IRF7: variants seen among roughly 807,000 people sequenced by gnomAD.
IRF7 encodes interferon regulatory factor 7, also known as interferon regulatory factor-7H.
IRF7 carries 67 observed loss-of-function variants against 51.3 expected under a neutral mutation model. The ratio of observed to expected loss-of-function variants is 1.31; its 90% CI spans 1.07 to 1.60. IRF7 has a LOEUF of 1.60. Among genes scored for constraint, IRF7 ranks in the 40% most tolerant of loss-of-function variants. The probability of loss-of-function intolerance (pLI) is 0.00; values close to 1 mark genes in which losing one functional copy is unlikely to be tolerated. For missense variants in IRF7, 873 were observed against 701.5 expected (o/e 1.24, Z -2.76); for synonymous variants, 427 against 301.3 (o/e 1.42, Z -4.32).
In IRF7 at chr11:614,039, T is replaced by C. The variant is rs1370125813; in HGVS notation, c.680-2A>G. 4 of 1,606,358 alleles carry C rather than the reference T, an allele frequency of 2.5e-6. No homozygotes were observed. The highest frequency in any genetic ancestry group is 3.4e-6 in the Non-Finnish European group (4 of 1,177,266). Reference sequence around the variant, plus strand: ...GCTCCCCAGCAGGGAGCCCTGGGCCTGAGGAGGGGAGGACAGTGGGAACGG... The same window carrying C: ...GCTCCCCAGCAGGGAGCCCTGGGCCCGAGGAGGGGAGGACAGTGGGAACGG... On this transcript the variant is annotated splice_acceptor_variant, in intron 6 of 10. Transcript: ENST00000525445. LOFTEE classifies it high-confidence loss of function.
chr11:615,061 C>T (rs752289286), intron 3 of IRF7, 36 bp downstream of exon 3: 10 of 1,562,368 alleles, frequency 6.4e-6, no homozygotes, highest in South Asian at 1.2e-5. Flanking sequence ...TAGGCGGGCT[C>T]TCCCACCCGG....
rs1181983432 is a variant in IRF7 at position 615,436 on chromosome 11, C to T, written c.-72G>A. The T allele has an allele frequency of 3.8e-5, 54 of 1,437,396 alleles. No homozygotes were observed. The highest frequency in any genetic ancestry group is 4.5e-5 in the Non-Finnish European group (49 of 1,096,300). The allele number at this position is 1,437,396 out of a possible 1,614,324, so 89.0% of individuals were successfully genotyped here. ...GGGGAGGTAAGGGCTCCTGTCGCAG[C>T]AGACGCCAGGCCGCGGCCACAGGTC... On this transcript the variant is annotated 5_prime_UTR_variant, in exon 2 of 11. Transcript: ENST00000525445.
rs1180130455 is a variant in IRF7 at position 613,587 on chromosome 11, G to A, written c.856C>T (p.Pro286Ser). The A allele has an allele frequency of 6.4e-7, 1 of 1,560,822 alleles. No individual in the cohort carries two copies. Among genetic ancestry groups the A allele is most frequent in the Admixed American group, 2.0e-5 (1 of 50,960 alleles). ...SACTAVQEPS[P>S]GALDVTIMYK... ...ATGATGGTCACGTCCAGCGCCCCTG[G>A]GCTGGGCTCTGTGTGGAGACCAAGC... is the stretch of plus-strand genomic sequence containing the variant. The change falls in exon 9 of 11, where the codon CCA becomes TCA. Residue 286 changes from proline to serine, a missense_variant. Pro to Ser is a moderately conservative substitution (Grantham distance 74). Transcript: ENST00000525445.
chr11:613,805 C>T lies in IRF7; in HGVS notation c.827G>A (p.Ser276Asn), dbSNP rs761685941. 9.5e-6 allele frequency: 15 copies of T among 1,574,286 alleles called. No homozygotes were observed. The East Asian group carries it at 2.3e-4, about 24-fold the overall frequency. Residue 276 changes from serine (S) to asparagine (N), a missense_variant, in exon 8 of 11, where the codon AGC (serine) becomes AAC (asparagine). Transcript: ENST00000525445. ...CTCACCTTGCACCGCGGTGCAGGCG[C>T]TTGGGGAGGGTGACAGGTACGGCTC... ...QAEPYLSPSPSACTAVQEPSP... is the reference protein window; with the variant it reads ...QAEPYLSPSPNACTAVQEPSP...
In IRF7 at chr11:613,768, T is replaced by C. The variant is rs1856612388; in HGVS notation, c.847+17A>G. 4.6e-6 allele frequency: 7 copies of C among 1,516,052 alleles called. No homozygotes were observed. The highest frequency in any genetic ancestry group is 2.4e-5 in the Admixed American group (1 of 40,896). 93.9% of individuals were successfully genotyped at this position (1,516,052 alleles called of 1,614,324 possible). On this transcript the variant is annotated intron_variant, in intron 8 of 10. Coordinates refer to ENST00000525445, the MANE Select transcript of IRF7 (RefSeq NM_001572.5). ...GGGTGGGCGGGGACAGGCTGCCCCTTCCTGGGATGCACTCACCTTGCACCG... is the reference window on the plus strand; with the variant it reads ...GGGTGGGCGGGGACAGGCTGCCCCTCCCTGGGATGCACTCACCTTGCACCG...
chr11:614,771 C>A, intron 4 of IRF7, 26 bp downstream of exon 4: 1 of 1,521,998 alleles, frequency 6.6e-7, no homozygotes, highest in Non-Finnish European at 8.8e-7. Flanking sequence ...CGAATGCCAA[C>A]GCCCTTGGCA....
At position 614,243 on chromosome 11, in the gene IRF7, C is replaced by T. The variant is rs41313489; in HGVS notation, c.610G>A (p.Asp204Asn). ...CCAGGAGCCTTGGTTGGGACTGGAT[C>T]TGCCCCCCATGACGCTGTCAGCAGA... The part of the protein sequence containing the change: ...DHLLTASWGA[D>N]PVPTKAPGEG... Residue 204 changes from aspartate (D) to asparagine (N), a missense_variant, in exon 6 of 11, where the codon GAT becomes AAT. Asp to Asn is a conservative substitution (Grantham distance 23). Coordinates refer to ENST00000525445, the MANE Select transcript of IRF7 (RefSeq NM_001572.5). The T allele has an allele frequency of 4.1e-3, 6,536 of 1,612,968 alleles. 19 individuals carry two copies. The highest frequency in any genetic ancestry group is 5.7e-3 in the Admixed American group (339 of 59,996).
rs1266205052 is a variant in IRF7, at chr11:615,509, T to C, written c.-145A>G. ...TCCACAGGTGTGGACTGAGGGCTTG[T>C]AGCCACCGACGCTGCCTCGGTATGG... On this transcript the variant is annotated 5_prime_UTR_variant, in exon 2 of 11. Transcript: ENST00000525445. The C allele has an allele frequency of 1.1e-6, 1 of 896,674 alleles. No homozygotes were observed. Among genetic ancestry groups the C allele is most frequent in the African/African-American group, 1.7e-5 (1 of 58,640 alleles). 55.5% of individuals were successfully genotyped at this position (896,674 alleles called of 1,614,324 possible).
Position 615,436 on chromosome 11 carries a change from C to A in IRF7, c.-72G>T. ...GGGGAGGTAAGGGCTCCTGTCGCAGCAGACGCCAGGCCGCGGCCACAGGTC... is the reference window on the plus strand; with the variant it reads ...GGGGAGGTAAGGGCTCCTGTCGCAGAAGACGCCAGGCCGCGGCCACAGGTC... On this transcript the variant is annotated 5_prime_UTR_variant, in exon 2 of 11. Transcript: ENST00000525445. The A allele has an allele frequency of 7.0e-7, 1 of 1,437,396 alleles. No individual in the cohort carries two copies. The highest frequency in any genetic ancestry group is 9.1e-7 in the Non-Finnish European group (1 of 1,096,300). 89.0% of individuals were successfully genotyped at this position (1,437,396 alleles called of 1,614,324 possible). A position where few individuals can be genotyped will look rare whatever the true frequency, so the allele number is the denominator to read the frequency against.
rs1467978455 is a variant in IRF7 at position 614,380 on chromosome 11, A to T, written c.473T>A (p.Phe158Tyr). ...PPPQGGPPGP[F>Y]LAHTHAGLQA... ...GAGTCCAGCATGTGTGTGTGCCAGG[A>T]ATGGCCCTGGGGGCCCACCCTGCAG... Residue 158 changes from phenylalanine to tyrosine, a missense_variant, in exon 6 of 11, where the codon TTC becomes TAC. Physicochemically the swap from Phe to Tyr is conservative, Grantham distance 22. Coordinates refer to ENST00000525445, the MANE Select transcript of IRF7 (RefSeq NM_001572.5). 3 of 1,607,358 alleles carry T rather than the reference A, an allele frequency of 1.9e-6. No individual in the cohort carries two copies. The highest frequency in any genetic ancestry group is 2.5e-6 in the Non-Finnish European group (3 of 1,177,702).
At position 613,131 on chromosome 11, in the gene IRF7, C is replaced by T. The variant is rs771624398; in HGVS notation, c.1238-14G>A. 2 of 1,612,198 alleles carry T rather than the reference C, an allele frequency of 1.2e-6. No individual in the cohort carries two copies. Among genetic ancestry groups the T allele is most frequent in the Non-Finnish European group, 8.5e-7 (1 of 1,179,524 alleles). On this transcript the variant is annotated splice_polypyrimidine_tract_variant and intron_variant, in intron 9 of 10. Transcript: ENST00000525445. ...ATTCCACCAGCTCTGAAGAAGGGGA[C>T]TCTGCTGAGTACCTGGCAGGCAGGT...
In IRF7 at chr11:613,907, G is replaced by T. The variant is rs756535437; in HGVS notation, c.767-42C>A. On this transcript the variant is annotated intron_variant, in intron 7 of 10. Coordinates refer to ENST00000525445, the MANE Select transcript of IRF7 (RefSeq NM_001572.5). ...ATCCTGTGCTGGCACCTCATCCCTA[G>T]CCTCTCCCTGTGCCCCAGGCCTCCC... is the stretch of plus-strand genomic sequence containing the variant. The T allele has an allele frequency of 3.1e-5, 49 of 1,598,762 alleles. 1 individual carries two copies. Among genetic ancestry groups the T allele is most frequent in the Non-Finnish European group, 3.6e-5 (42 of 1,173,574 alleles).
chr11:613,339 G>A lies in IRF7; in HGVS notation c.1104C>T (p.Ala368=). Residue 368 remains alanine, a synonymous_variant, in exon 9 of 11, where the codon GCC becomes GCT. Coordinates refer to ENST00000525445, the MANE Select transcript of IRF7 (RefSeq NM_001572.5). ...HLELRGPQLW[A]RRMGKCKVYW... ...ACACCTTGCACTTGCCCATGCGCCG[G>A]GCCCACAGCTGTGGCCCCCGAAGCT... 1 of 1,611,688 alleles carries A rather than the reference G, an allele frequency of 6.2e-7. No individual in the cohort carries two copies. Among genetic ancestry groups the A allele is most frequent in the Non-Finnish European group, 8.5e-7 (1 of 1,179,588 alleles).
chr11:615,732 C>T, intron 1 of IRF7, 85 bp from the exon 2 acceptor site: 1 of 300,104 alleles, frequency 3.3e-6, no homozygotes, highest in Non-Finnish European at 6.2e-6. Context: ...GCACCCTCCT[C>T]GATCCCACCC....
chr11:613,490 T>C lies in IRF7; in HGVS notation c.953A>G (p.Asp318Gly). 1 of 1,541,802 alleles carries C rather than the reference T, an allele frequency of 6.5e-7. No homozygotes were observed. Among genetic ancestry groups the C allele is most frequent in the Non-Finnish European group, 8.7e-7 (1 of 1,146,026 alleles). ...GGGGTCTGTGGCCCGGACAGCTGGG[T>C]CTGGGGGGCCGTATAGGAACGTGCA... Reference protein sequence around the residue: ...PSCTFLYGPPDPAVRATDPQQ... With the variant: ...PSCTFLYGPPGPAVRATDPQQ... Residue 318 changes from aspartate to glycine, a missense_variant, in exon 9 of 11, where the codon GAC becomes GGC. Asp to Gly is a moderately conservative substitution (Grantham distance 94). Coordinates refer to ENST00000525445, the MANE Select transcript of IRF7 (RefSeq NM_001572.5).
rs1856787969 is a variant in IRF7, at chr11:615,428, T to A, written c.-64A>T. 3 of 1,449,470 alleles carry A rather than the reference T, an allele frequency of 2.1e-6. No homozygotes were observed. The South Asian group carries it at 4.3e-5, about 21-fold the overall frequency. The allele number at this position is 1,449,470 out of a possible 1,614,324, so 89.8% of individuals were successfully genotyped here. A position where few individuals can be genotyped will look rare whatever the true frequency, so the allele number is the denominator to read the frequency against. ...TTATAACAGGGGAGGTAAGGGCTCC[T>A]GTCGCAGCAGACGCCAGGCCGCGGC... On this transcript the variant is annotated 5_prime_UTR_variant, in exon 2 of 11. Transcript: ENST00000525445.
rs201036875 is a variant in IRF7 at position 614,799 on chromosome 11, C to T, written c.392G>A (p.Arg131Gln). 4.9e-4 allele frequency: 755 copies of T among 1,544,066 alleles called. 5 individuals are homozygous for T. In the Middle Eastern group the frequency reaches 0.015, roughly 31 times the overall value. The change falls in exon 4 of 11, where the codon CGA becomes CAA. Residue 131 changes from arginine (R) to glutamine (Q), a missense_variant and splice_region_variant. Coordinates refer to ENST00000525445, the MANE Select transcript of IRF7 (RefSeq NM_001572.5). Reference sequence around the variant, plus strand: ...CCTTGGCAGCCGGCGTCGCTCACCTCGCCAGCACAGCTCCCGGCTGAGCGC... The same window carrying T: ...CCTTGGCAGCCGGCGTCGCTCACCTTGCCAGCACAGCTCCCGGCTGAGCGC... ...VYALSRELCWREGPGTDQTEA... is the reference protein window; with the variant it reads ...VYALSRELCWQEGPGTDQTEA...
chr11:614,629 C>T, intron 4 of IRF7, 95 bp from the exon 5 acceptor site: 3 of 1,471,942 alleles, frequency 2.0e-6, no homozygotes, highest in Middle Eastern at 1.7e-4. Context: ...TGGCTGTGAA[C>T]CCTTAGGCTG....
chr11:613,324 C>T lies in IRF7; in HGVS notation c.1119G>A (p.Lys373=), dbSNP rs145109888. 3 of 1,611,898 alleles carry T rather than the reference C, an allele frequency of 1.9e-6. No individual in the cohort carries two copies. The highest frequency in any genetic ancestry group is 1.7e-6 in the Non-Finnish European group (2 of 1,179,648). Residue 373 remains lysine, a synonymous_variant, in exon 9 of 11, where the codon AAG becomes AAA. Coordinates refer to ENST00000525445, the MANE Select transcript of IRF7 (RefSeq NM_001572.5). The part of the protein sequence containing the change: ...GPQLWARRMG[K]CKVYWEVGGP... ...CGCCCACCTCCCAGTACACCTTGCA[C>T]TTGCCCATGCGCCGGGCCCACAGCT...
Sources: gnomAD v4.1 joint callset for allele counts on GRCh38, gnomAD v4.1.1 for gene constraint, MANE v1.5 for transcripts, NCBI Gene and HGNC (gene_info 2026-07-23, HGNC 2026-07-21) for gene names.